SMARCAL1: variants seen among roughly 807,000 people sequenced by gnomAD.
The protein encoded by SMARCAL1 is ATP-driven annealing helicase.
Under a neutral mutation model 94.5 loss-of-function variants are expected in SMARCAL1, and 58 were observed. That is an observed-to-expected ratio of 0.61 (90% CI 0.50 to 0.76). The LOEUF is 0.76. Among genes scored for constraint, SMARCAL1 ranks in the 30% least tolerant of loss-of-function variants. The probability of loss-of-function intolerance (pLI) is 0.00; values close to 1 mark genes in which losing one functional copy is unlikely to be tolerated. For missense variants in SMARCAL1, 1,051 were observed against 1,177.9 expected, an observed-to-expected ratio of 0.89 and a Z score of 1.58; for synonymous variants, 422 against 455.1, an observed-to-expected ratio of 0.93 and a Z score of 0.93.
chr2:216,474,183 A>C (rs1218775961), intron 14 of SMARCAL1, among the ~76,000 whole-genome samples: 1 of 116,672 alleles, frequency 8.6e-6, no homozygotes, highest in Non-Finnish European at 1.6e-5. Context: ...TCTGTCACCC[A>C]GGCAGGAGTG....
intron 12 of SMARCAL1, among the ~76,000 whole-genome samples, chr2:216,463,584 T>C (rs942702634): frequency 6.6e-6 from 1 of 152,184 alleles, no homozygotes; most frequent in Non-Finnish European, 1.5e-5. Context: ...ATAGTAAATG[T>C]TATCTCACAT....
intron 11 of SMARCAL1, among the ~76,000 whole-genome samples, chr2:216,447,662 C>G (rs1694348649): frequency 1.0e-5 from 1 of 96,888 alleles, no homozygotes; most frequent in Non-Finnish European, 2.0e-5. Context: ...GGAAATTCCT[C>G]CCTGTGCAAA....
At chr2:216,438,372 T>A in intron 9 of SMARCAL1, 48 bp from the exon 10 acceptor site, 1 of 1,520,310 alleles carries the variant, frequency 6.6e-7, no homozygotes. Context: ...CATATTTCTG[T>A]CCACTCAGGA....
rs1237758096 is a variant in SMARCAL1 at position 216,475,530 on chromosome 2, A to C, written c.2427+79A>C. 6.8e-7 allele frequency: 1 copy of C among 1,460,710 alleles called. No individual in the cohort carries two copies. Among genetic ancestry groups the C allele is most frequent in the Non-Finnish European group, 9.6e-7 (1 of 1,041,104 alleles). 90.5% of individuals were successfully genotyped at this position (1,460,710 alleles called of 1,614,324 possible). The stretch of plus-strand genomic sequence containing the variant: ...AGGAAGCAGTGAGTGTCGGTCGGGG[A>C]AAGTGTGGTTTCCCTTTTATCCATT... On this transcript the variant is annotated intron_variant, in intron 15 of 17. Coordinates refer to ENST00000357276, the MANE Select transcript of SMARCAL1 (RefSeq NM_014140.4). This position sits in a 1 kb window ranked among gnomAD's most constrained non-coding sequence, Gnocchi z 4.4.
At chr2:216,416,417 C>T in intron 4 of SMARCAL1, 110 bp downstream of exon 4, 1 of 885,412 alleles carries the variant, frequency 1.1e-6, no homozygotes, top group Non-Finnish European at 1.8e-6. Context: ...GTGGTGAAAG[C>T]TTTCAGGGCA....
chr2:216,447,824 T>C (rs1694353439), intron 11 of SMARCAL1, among the ~76,000 whole-genome samples: 1 of 152,202 alleles, frequency 6.6e-6, no homozygotes, highest in African/African-American at 2.4e-5. Flanking sequence ...AGGGAAGCCC[T>C]GTAAACACCA....
chr2:216,471,460 A>G (rs947664980), intron 14 of SMARCAL1, among the ~76,000 whole-genome samples: 3 of 151,298 alleles, frequency 2.0e-5, no homozygotes, highest in Non-Finnish European at 4.4e-5. Context: ...GGCTTCAAGC[A>G]TTTCTGCCTC....
intron 14 of SMARCAL1, among the ~76,000 whole-genome samples, chr2:216,469,562 C>G (rs778885503): frequency 2.0e-5 from 3 of 152,170 alleles, no homozygotes; most frequent in Non-Finnish European, 4.4e-5. Context: ...TTTCTTTATA[C>G]TGCATTACAC....
intron 7 of SMARCAL1, among the ~76,000 whole-genome samples, chr2:216,430,545 T>G (rs375816819): frequency 6.6e-5 from 10 of 152,218 alleles, no homozygotes; most frequent in African/African-American, 2.4e-4. Context: ...AACTGCCCTG[T>G]GGAGGATGAC....
At chr2:216,424,335 G>A (rs1464011735) in intron 6 of SMARCAL1, among the ~76,000 whole-genome samples, 1 of 152,210 alleles carries the variant, frequency 6.6e-6, no homozygotes, top group Non-Finnish European at 1.5e-5. Flanking sequence ...AGGAAATATG[G>A]TCATATCTCA....
intron 14 of SMARCAL1, among the ~76,000 whole-genome samples, chr2:216,469,591 A>G (rs1392239789): frequency 6.6e-6 from 1 of 152,174 alleles, no homozygotes; most frequent in Non-Finnish European, 1.5e-5. Context: ...CATTCACTGT[A>G]ACTGTGGAAT....
chr2:216,456,740 A>T lies in SMARCAL1; in HGVS notation c.2070+5676A>T, dbSNP rs1211863251. 2.0e-5 allele frequency among the ~76,000 whole-genome samples: 3 copies of T among 152,256 alleles called. No homozygotes were observed. In the East Asian group the frequency reaches 5.8e-4, roughly 29 times the overall value. On this transcript the variant is annotated intron_variant, in intron 12 of 17. Coordinates refer to ENST00000357276, the MANE Select transcript of SMARCAL1 (RefSeq NM_014140.4). ...AACCAGTATCAGCCACTGCAAAAAC[A>T]TGCCAAATTGTAAAGACCATCAATG... is the stretch of plus-strand genomic sequence containing the variant.
intron 15 of SMARCAL1, 22 bp from the exon 16 acceptor site, chr2:216,477,087 G>A: frequency 1.3e-6 from 2 of 1,553,378 alleles, no homozygotes; most frequent in Non-Finnish European, 8.7e-7. Flanking sequence ...TTACCTGCCT[G>A]TCTCAATTCC....
intron 6 of SMARCAL1, among the ~76,000 whole-genome samples, chr2:216,427,768 G>A (rs1225674984): frequency 1.3e-5 from 2 of 152,166 alleles, no homozygotes; most frequent in Non-Finnish European, 2.9e-5. Flanking sequence ...AGCCCTGCAC[G>A]TTCACATCAG....
intron 10 of SMARCAL1, among the ~76,000 whole-genome samples, chr2:216,441,752 G>A (rs1007363648): frequency 3.9e-5 from 6 of 152,146 alleles, no homozygotes; most frequent in Non-Finnish European, 7.4e-5. Context: ...AGTCTGGCCA[G>A]GCATAACAAT....
chr2:216,416,234 A>G (rs1390325188), intron 3 of SMARCAL1, 23 bp from the exon 4 acceptor site: 2 of 1,610,604 alleles, frequency 1.2e-6, no homozygotes, highest in Admixed American at 1.7e-5. Flanking sequence ...GTCAACAGTC[A>G]TCAGTCCTCT....
chr2:216,443,052 A>G lies in SMARCAL1; in HGVS notation c.1711-3966A>G, dbSNP rs192071954. On this transcript the variant is annotated intron_variant, in intron 10 of 17. Coordinates refer to ENST00000357276, the MANE Select transcript of SMARCAL1 (RefSeq NM_014140.4). ...AGGAAATTATTAGAGTTTGAAACCT[A>G]TAGTAAAATGGATTGTCTTTTCCAG... Among the ~76,000 whole-genome samples, 10 of 152,242 alleles carry G rather than the reference A, an allele frequency of 6.6e-5. No homozygotes were observed. In the East Asian group the frequency reaches 1.9e-3, roughly 29 times the overall value.
At position 216,477,117 on chromosome 2, in the gene SMARCAL1, C is replaced by G; in HGVS notation, c.2436C>G (p.Ile812Met). The change falls in exon 16 of 18, where the codon ATC (isoleucine) becomes ATG (methionine). Residue 812 changes from isoleucine to methionine, a missense_variant. By Grantham distance (10) the Ile-to-Met change is conservative. Transcript: ENST00000357276. ...AATTCCTGGACACACAGGTGCTGAT[C>G]CAGGCTGAGGACCGCGTGCACCGCA... ...AELFWNPGVL[I>M]QAEDRVHRIG... 1 of 1,575,714 alleles carries G rather than the reference C, an allele frequency of 6.3e-7. No individual in the cohort carries two copies. Among genetic ancestry groups the G allele is most frequent in the Non-Finnish European group, 8.6e-7 (1 of 1,160,408 alleles).
At position 216,420,575 on chromosome 2, in the gene SMARCAL1, T is replaced by G; in HGVS notation, c.1096+43T>G. ...GTCTGATTCCCAGAATGTGTAGTGGTCTGTGATCTCAACATAGGGTGTTTT... is the reference window on the plus strand; with the variant it reads ...GTCTGATTCCCAGAATGTGTAGTGGGCTGTGATCTCAACATAGGGTGTTTT... On this transcript the variant is annotated intron_variant, in intron 5 of 17. Coordinates refer to ENST00000357276, the MANE Select transcript of SMARCAL1 (RefSeq NM_014140.4). 2.0e-6 allele frequency: 3 copies of G among 1,479,000 alleles called. No homozygotes were observed. The South Asian group carries it at 3.4e-5, about 17-fold the overall frequency. 91.6% of individuals were successfully genotyped at this position (1,479,000 alleles called of 1,614,324 possible). A position where few individuals can be genotyped will look rare whatever the true frequency, so the allele number is the denominator to read the frequency against.
Sources: gnomAD v4.1 joint callset for allele counts (sites outside exome capture counted in the v4.1 genomes callset) on GRCh38, gnomAD v4.1.1 for gene constraint, Gnocchi (gnomAD v3.1) non-coding constraint, MANE v1.5 for transcripts, NCBI Gene and HGNC (gene_info 2026-07-23, HGNC 2026-07-21) for gene names.